MIGA1: variants seen among roughly 807,000 people sequenced by gnomAD.
MIGA1 encodes the protein family with sequence similarity 73, member A.
MIGA1 carries 58 observed loss-of-function variants against 82.0 expected under a neutral mutation model. The ratio of observed to expected loss-of-function variants is 0.71; its 90% CI spans 0.57 to 0.88. The LOEUF (loss-of-function observed/expected upper bound fraction) is 0.88. Ranked by LOEUF, MIGA1 falls within the 40% of genes least tolerant of loss-of-function variation. MIGA1 has a pLI of 0.00. For synonymous variants in MIGA1, 249 were observed against 253.6 expected, an observed-to-expected ratio of 0.98 and a Z score of 0.17; for missense variants, 751 against 749.1, an observed-to-expected ratio of 1.00 and a Z score of -0.03.
chr1:77,806,553 G>A (rs1683107988), intron 4 of MIGA1, among the ~76,000 whole-genome samples: 1 of 152,196 alleles, frequency 6.6e-6, no homozygotes, highest in Non-Finnish European at 1.5e-5. Flanking sequence ...CTAGGAGAGG[G>A]CATTTACAAA....
rs181136164 is a variant in MIGA1, at chr1:77,822,778, T to G, written c.895+7547T>G. On this transcript the variant is annotated intron_variant, in intron 7 of 15. Coordinates refer to ENST00000370791, the MANE Select transcript of MIGA1 (RefSeq NM_198549.4). The stretch of plus-strand genomic sequence containing the variant: ...TTGTACTATTTATAGAAGAGTAGTT[T>G]GCCAACTTAACATTATGGATAAGAT... Among the ~76,000 whole-genome samples the G allele has an allele frequency of 1.5e-3, 235 of 152,210 alleles. 4 individuals carry two copies. In the Middle Eastern group the frequency reaches 0.021, roughly 13 times the overall value.
chr1:77,834,096 G>A (rs748563307), intron 7 of MIGA1, among the ~76,000 whole-genome samples: 9 of 152,152 alleles, frequency 5.9e-5, no homozygotes, highest in Admixed American at 2.0e-4. Context: ...AACTTTATAC[G>A]TCATCACAAA....
intron 15 of MIGA1, among the ~76,000 whole-genome samples, chr1:77,874,012 G>A (rs1435799791): frequency 1.3e-5 from 2 of 152,128 alleles, no homozygotes; most frequent in Non-Finnish European, 2.9e-5. Flanking sequence ...TAAAACGAGG[G>A]AGCCTAACAG....
intron 7 of MIGA1, among the ~76,000 whole-genome samples, chr1:77,838,015 T>C (rs1255827048): frequency 6.6e-6 from 1 of 152,228 alleles, no homozygotes. Flanking sequence ...CACTGAAATA[T>C]AGAAAGCATT....
chr1:77,873,876 G>A (rs1487122483), intron 15 of MIGA1, among the ~76,000 whole-genome samples: 3 of 152,240 alleles, frequency 2.0e-5, no homozygotes, highest in Middle Eastern at 3.4e-3. Context: ...TTCAGAACAC[G>A]TTGATTTTTG....
intron 7 of MIGA1, among the ~76,000 whole-genome samples, chr1:77,816,234 A>G (rs1683569586): frequency 6.6e-6 from 1 of 152,168 alleles, no homozygotes; most frequent in Non-Finnish European, 1.5e-5. Context: ...GTGGACCACC[A>G]TGCCTGGCCA....
intron 8 of MIGA1, among the ~76,000 whole-genome samples, chr1:77,855,520 T>A (rs1232622851): frequency 2.6e-5 from 4 of 152,212 alleles, no homozygotes; most frequent in Non-Finnish European, 5.9e-5. Flanking sequence ...TACCCATCCA[T>A]GAGCATGGGA....
chr1:77,872,028 C>T (rs1358640793), intron 14 of MIGA1, among the ~76,000 whole-genome samples: 3 of 151,966 alleles, frequency 2.0e-5, no homozygotes, highest in African/African-American at 7.3e-5. Context: ...AGTACAGTGG[C>T]ATTATCTTGG....
intron 7 of MIGA1, among the ~76,000 whole-genome samples, chr1:77,839,598 C>G (rs1684554997): frequency 6.6e-6 from 1 of 152,054 alleles, no homozygotes; most frequent in Non-Finnish European, 1.5e-5. Context: ...TCTTGAACTC[C>G]TGGGGCTCAA....
intron 2 of MIGA1, among the ~76,000 whole-genome samples, chr1:77,793,783 C>CTTT (rs1175821307): frequency 1.1e-4 from 13 of 114,142 alleles, no homozygotes; most frequent in East Asian, 2.5e-4. Flanking sequence ...AAAATTTTAT[C>CTTT]TTTTTTTTTT....
At chr1:77,789,297 C>T (rs1008482346) in intron 2 of MIGA1, among the ~76,000 whole-genome samples, 3 of 150,292 alleles carry the variant, frequency 2.0e-5, no homozygotes, top group Non-Finnish European at 4.4e-5. Context: ...CAGCTGAATC[C>T]TCCCAGGCTC....
In MIGA1 at chr1:77,861,736, T is replaced by C. The variant is rs866718915; in HGVS notation, c.1374+414T>C. On this transcript the variant is annotated intron_variant, in intron 12 of 15. Coordinates refer to ENST00000370791, the MANE Select transcript of MIGA1 (RefSeq NM_198549.4). ...GAACAAATAAGTATACTGAGAAAAA[T>C]CAGAGCCAGCTTTTCCCTGTGAGAG... 10 of 156,732 alleles carry C rather than the reference T, an allele frequency of 6.4e-5. No homozygotes were observed. The South Asian group carries it at 1.6e-3, about 25-fold the overall frequency. The allele number at this position is 156,732 out of a possible 1,614,324, so 9.7% of individuals were successfully genotyped here. A position where few individuals can be genotyped will look rare whatever the true frequency, so the allele number is the denominator to read the frequency against.
At position 77,876,810 on chromosome 1, in the gene MIGA1, T is replaced by G. The variant is rs1184622348; in HGVS notation, c.*1746T>G. On this transcript the variant is annotated 3_prime_UTR_variant, in exon 16 of 16. Coordinates refer to ENST00000370791, the MANE Select transcript of MIGA1 (RefSeq NM_198549.4). Reference sequence around the variant, plus strand: ...ATGATAAATCTACAAACAAATGAATTGTTTTTATGGGTGGAGTTCTTCTAT... The same window carrying G: ...ATGATAAATCTACAAACAAATGAATGGTTTTTATGGGTGGAGTTCTTCTAT... 6.6e-6 allele frequency: 1 copy of G among 152,212 alleles called. No homozygotes were observed. Among genetic ancestry groups the G allele is most frequent in the African/African-American group, 2.4e-5 (1 of 41,456 alleles). 9.4% of individuals were successfully genotyped at this position (152,212 alleles called of 1,614,324 possible).
chr1:77,848,758 G>A, intron 8 of MIGA1: 2 of 1,403,926 alleles, frequency 1.4e-6, no homozygotes, highest in South Asian at 2.4e-5. Flanking sequence ...CAGGCAGATG[G>A]TGCAGGTTAA....
chr1:77,860,181 T>G, intron 11 of MIGA1, 55 bp downstream of exon 11: 1 of 1,270,000 alleles, frequency 7.9e-7, no homozygotes. Flanking sequence ...GTTTTTACCC[T>G]TTGAACTGAA....
At position 77,818,862 on chromosome 1, in the gene MIGA1, C is replaced by G. The variant is rs184611299; in HGVS notation, c.895+3631C>G. On this transcript the variant is annotated intron_variant, in intron 7 of 15. Transcript: ENST00000370791. ...TGGGAGGCTGAGGTGGGTGAATCAC[C>G]TGAGGTCGGGAGTTCGAGACCAGCC... Among the ~76,000 whole-genome samples the G allele has an allele frequency of 1.4e-3, 217 of 151,960 alleles. 2 individuals are homozygous for G. Among genetic ancestry groups the G allele is most frequent in the African/African-American group, 5.0e-3 (207 of 41,436 alleles).
At chr1:77,865,329 G>A (rs1025713836) in intron 13 of MIGA1, among the ~76,000 whole-genome samples, 2 of 152,028 alleles carry the variant, frequency 1.3e-5, no homozygotes, top group African/African-American at 4.8e-5. Context: ...AGTGACTCAT[G>A]CCTGTAATCC....
intron 3 of MIGA1, 95 bp downstream of exon 3, chr1:77,801,603 T>A: frequency 9.7e-7 from 1 of 1,025,930 alleles, no homozygotes; most frequent in Non-Finnish European, 1.3e-6. Flanking sequence ...ATTTTCTTCC[T>A]AATATATTAT....
At chr1:77,828,869 G>A (rs1211634962) in intron 7 of MIGA1, among the ~76,000 whole-genome samples, 1 of 152,020 alleles carries the variant, frequency 6.6e-6, no homozygotes, top group Non-Finnish European at 1.5e-5. Context: ...AGACATGGGA[G>A]TCTTCCTGTA....
Sources: gnomAD v4.1 joint callset for allele counts (sites outside exome capture counted in the v4.1 genomes callset) on GRCh38, gnomAD v4.1.1 for gene constraint, MANE v1.5 for transcripts, NCBI Gene and HGNC (gene_info 2026-07-23, HGNC 2026-07-21) for gene names.